Variants in LINGO2 observed in about 807,000 individuals in gnomAD.
LINGO2 encodes the protein leucine rich repeat and Ig domain containing 2, also known as leucine-rich repeat and immunoglobulin-like domain-containing nogo receptor-interacting protein 2.
LINGO2 carries 14 observed loss-of-function variants against 30.6 expected under a neutral mutation model. The observed-to-expected ratio is 0.46, with a 90% CI of 0.30 to 0.72. The LOEUF is 0.72. Ranked by LOEUF, LINGO2 falls within the 30% of genes least tolerant of loss-of-function variation. The pLI is 0.07. For missense variants in LINGO2, 729 were observed against 751.7 expected, an observed-to-expected ratio of 0.97 and a Z score of 0.35; for synonymous variants, 317 against 288.5, an observed-to-expected ratio of 1.10 and a Z score of -1.00.
intron 4 of LINGO2, among the ~76,000 whole-genome samples, chr9:28,214,121 GA>G (rs1472253448): frequency 1.3e-5 from 2 of 151,550 alleles, no homozygotes; most frequent in African/African-American, 2.4e-5. Flanking sequence ...GGAGTAGAGA[GA>G]AAGTAAGAGC....
the LINGO2 span, among the ~76,000 whole-genome samples, chr9:28,999,958 A>T: frequency 7.9e-5 from 12 of 151,992 alleles, no homozygotes; most frequent in Admixed American, 2.0e-4. Context: ...CATATACTAA[A>T]TGTACTTCAC....
At chr9:28,513,345 A>G (rs1382609593) in intron 1 of LINGO2, among the ~76,000 whole-genome samples, 1 of 152,232 alleles carries the variant, frequency 6.6e-6, no homozygotes. Context: ...CAAAGTGAAT[A>G]TTCTTTTAAA....
chr9:28,844,648 C>T, the LINGO2 span, among the ~76,000 whole-genome samples: 1 of 151,772 alleles, frequency 6.6e-6, no homozygotes, highest in Non-Finnish European at 1.5e-5. Context: ...GCAGGGAAGT[C>T]AAGCCCATCT....
the LINGO2 span, among the ~76,000 whole-genome samples, chr9:29,185,422 T>C: frequency 6.6e-6 from 1 of 152,154 alleles, no homozygotes; most frequent in African/African-American, 2.4e-5. Flanking sequence ...CTGCCACATA[T>C]GCCTATTATT....
At chr9:28,048,485 C>T (rs1286458748) in intron 4 of LINGO2, among the ~76,000 whole-genome samples, 1 of 150,650 alleles carries the variant, frequency 6.6e-6, no homozygotes, top group Non-Finnish European at 1.5e-5. Context: ...ATTAAAAAAG[C>T]AAATGGATTA....
chr9:28,471,060 C>CT (rs1825500286), intron 2 of LINGO2, among the ~76,000 whole-genome samples: 2 of 151,702 alleles, frequency 1.3e-5, no homozygotes, highest in Admixed American at 6.6e-5. Context: ...TACTATGCTT[C>CT]TTAATGCCTC....
chr9:28,736,425 T>C, the LINGO2 span, among the ~76,000 whole-genome samples: 3 of 152,140 alleles, frequency 2.0e-5, no homozygotes, highest in African/African-American at 7.2e-5. Flanking sequence ...CTAAACACCT[T>C]CTATAAACTC....
intron 4 of LINGO2, among the ~76,000 whole-genome samples, chr9:28,184,660 T>A (rs2133730354): frequency 6.6e-6 from 1 of 152,078 alleles, no homozygotes; most frequent in South Asian, 2.1e-4. Flanking sequence ...TCTGATAGAC[T>A]GAGACAGAAA....
chr9:28,421,854 C>A (rs1280992382), intron 2 of LINGO2, among the ~76,000 whole-genome samples: 1 of 151,984 alleles, frequency 6.6e-6, no homozygotes, highest in Non-Finnish European at 1.5e-5. Context: ...AGAAATACCC[C>A]ATCTCATATA....
chr9:28,131,197 G>C (rs1827369747), intron 4 of LINGO2, among the ~76,000 whole-genome samples: 1 of 151,182 alleles, frequency 6.6e-6, no homozygotes, highest in Non-Finnish European at 1.5e-5. Flanking sequence ...AGTGATTAGT[G>C]ATGTCTAACA....
In LINGO2 at chr9:28,496,043, A is replaced by G. The variant is rs182344598; in HGVS notation, c.-364-20018T>C. Among the ~76,000 whole-genome samples, 1,335 of 147,852 alleles carry G rather than the reference A, an allele frequency of 9.0e-3. 26 individuals are homozygous for G. The highest frequency in any genetic ancestry group is 0.035 in the East Asian group (160 of 4,606). On this transcript the variant is annotated intron_variant, in intron 1 of 5. Coordinates refer to ENST00000379992, the Ensembl canonical transcript of LINGO2. ...TGAGAGACAGTTTGTTATAATTTCC[A>G]TTCTTTTACATTTGCTGAGGAGTGC...
chr9:28,319,006 AC>A (rs1187748637), intron 3 of LINGO2, among the ~76,000 whole-genome samples: 1 of 152,178 alleles, frequency 6.6e-6, no homozygotes, highest in Non-Finnish European at 1.5e-5. Flanking sequence ...TGTAGGGCTG[AC>A]TCAAAAGCCT....
intron 5 of LINGO2, among the ~76,000 whole-genome samples, chr9:27,956,841 C>T (rs1421549795): frequency 6.6e-6 from 1 of 151,986 alleles, no homozygotes; most frequent in Non-Finnish European, 1.5e-5. Context: ...ACGTGTAATC[C>T]CAGCATTTTT....
chr9:28,873,392 A>C, the LINGO2 span, among the ~76,000 whole-genome samples: 621 of 117,078 alleles, frequency 5.3e-3, 2 homozygotes, highest in African/African-American at 0.031. Flanking sequence ...AAAAAAAAAG[A>C]AAAAAAAAAA....
At chr9:28,006,724 T>C (rs1026308792) in intron 5 of LINGO2, among the ~76,000 whole-genome samples, 4 of 152,150 alleles carry the variant, frequency 2.6e-5, no homozygotes, top group African/African-American at 2.4e-5. Context: ...TCTCACTACA[T>C]GTTCTTTCTT....
chr9:28,716,602 C>T, the LINGO2 span, among the ~76,000 whole-genome samples: 1 of 152,100 alleles, frequency 6.6e-6, no homozygotes, highest in Non-Finnish European at 1.5e-5. Context: ...GTATTCTGTA[C>T]ACCTTGATTT....
rs73643288 is a variant in LINGO2 at position 28,053,436 on chromosome 9, A to G, written c.-86-41031T>C. On this transcript the variant is annotated intron_variant, in intron 4 of 5. Coordinates refer to ENST00000379992, the Ensembl canonical transcript of LINGO2. ...AAACACATTTTCTAAAGAACTCTTAATTGTATACGAATAAATGGTAGTTGT... is the reference window on the plus strand; with the variant it reads ...AAACACATTTTCTAAAGAACTCTTAGTTGTATACGAATAAATGGTAGTTGT... Among the ~76,000 whole-genome samples, 941 of 152,232 alleles carry G rather than the reference A, an allele frequency of 6.2e-3. 6 individuals carry two copies. The highest frequency in any genetic ancestry group is 0.021 in the African/African-American group (884 of 41,562).
At chr9:29,044,112 C>G in the LINGO2 span, among the ~76,000 whole-genome samples, 2 of 151,836 alleles carry the variant, frequency 1.3e-5, no homozygotes, top group Non-Finnish European at 2.9e-5. Context: ...CCTCAGTTTC[C>G]CCATGAGTAA....
At chr9:28,763,356 A>G in the LINGO2 span, among the ~76,000 whole-genome samples, 1 of 152,080 alleles carries the variant, frequency 6.6e-6, no homozygotes, top group African/African-American at 2.4e-5. Flanking sequence ...CTAAAATAGA[A>G]TGAAACTAGA....
Sources: gnomAD v4.1 joint callset for allele counts (sites outside exome capture counted in the v4.1 genomes callset) on GRCh38, gnomAD v4.1.1 for gene constraint, MANE v1.5 for transcripts, NCBI Gene and HGNC (gene_info 2026-07-23, HGNC 2026-07-21) for gene names.